EIF4G3: variants seen among roughly 807,000 people sequenced by gnomAD.
EIF4G3 encodes the protein eukaryotic translation initiation factor 4 gamma 3, also known as eIF-4-gamma 3.
EIF4G3 carries 34 observed loss-of-function variants against 186.4 expected under a neutral mutation model. The observed-to-expected ratio is 0.18, with a 90% CI of 0.14 to 0.24. The LOEUF is 0.24. Among genes scored for constraint, EIF4G3 ranks in the 10% least tolerant of loss-of-function variants. EIF4G3 has a pLI of 1.00. For missense variants in EIF4G3, 1,536 were observed against 1,948.5 expected, an observed-to-expected ratio of 0.79 and a Z score of 3.99; for synonymous variants, 673 against 679.5, an observed-to-expected ratio of 0.99 and a Z score of 0.15.
intron 3 of EIF4G3, among the ~76,000 whole-genome samples, chr1:21,054,466 TA>T (rs532277398): frequency 5.9e-4 from 71 of 120,874 alleles, no homozygotes; most frequent in South Asian, 1.0e-3. Flanking sequence ...GAATGATCAA[TA>T]AAAAAAAAAA....
intron 14 of EIF4G3, among the ~76,000 whole-genome samples, chr1:20,936,263 T>C (rs1246506403): frequency 6.6e-6 from 1 of 152,188 alleles, no homozygotes; most frequent in Non-Finnish European, 1.5e-5. Context: ...GGCAGCTTTG[T>C]TGGAAACAGT....
At chr1:20,821,871 C>CATTATTATT (rs35002410) in intron 33 of EIF4G3, among the ~76,000 whole-genome samples, 99 of 150,880 alleles carry the variant, frequency 6.6e-4, no homozygotes, top group Middle Eastern at 3.4e-3. Context: ...ATAAACCCTA[C>CATTATTATT]ATTATTATTA....
chr1:21,151,762 T>C (rs2102813793), intron 2 of EIF4G3, among the ~76,000 whole-genome samples: 1 of 151,828 alleles, frequency 6.6e-6, no homozygotes, highest in South Asian at 2.1e-4. Flanking sequence ...TCCTTGAATA[T>C]ATGTTAAAAA....
intron 10 of EIF4G3, among the ~76,000 whole-genome samples, chr1:20,975,463 C>G (rs1257028200): frequency 6.6e-6 from 1 of 151,140 alleles, no homozygotes; most frequent in Non-Finnish European, 1.5e-5. Context: ...TGGTATATCA[C>G]ATTAATCCAA....
chr1:21,063,145 C>T (rs988904501), intron 3 of EIF4G3, among the ~76,000 whole-genome samples: 4 of 152,142 alleles, frequency 2.6e-5, no homozygotes, highest in Admixed American at 1.3e-4. Flanking sequence ...CCTCCACCTC[C>T]CAAGCTCAAT....
At chr1:21,035,334 G>C (rs1279031222) in intron 4 of EIF4G3, among the ~76,000 whole-genome samples, 2 of 152,206 alleles carry the variant, frequency 1.3e-5, no homozygotes, top group African/African-American at 4.8e-5. Flanking sequence ...ACAGGCAGGA[G>C]TCCCACCCCT....
chr1:20,949,960 A>T, intron 13 of EIF4G3, 43 bp downstream of exon 13: 1 of 1,509,432 alleles, frequency 6.6e-7, no homozygotes, highest in Non-Finnish European at 9.2e-7. Flanking sequence ...ATTAATAAAA[A>T]AGAGACTAAA....
At chr1:20,827,546 G>A in intron 32 of EIF4G3, 71 bp downstream of exon 32, 2 of 952,002 alleles carry the variant, frequency 2.1e-6, no homozygotes, top group Non-Finnish European at 3.2e-6. Context: ...GCTATTCACA[G>A]ATAACCCAAG....
At chr1:20,867,826 A>G (rs923913523) in intron 20 of EIF4G3, among the ~76,000 whole-genome samples, 2 of 152,238 alleles carry the variant, frequency 1.3e-5, no homozygotes, top group African/African-American at 4.8e-5. Flanking sequence ...TTTCACATGA[A>G]TTGGGGCATA....
At chr1:21,063,932 A>G (rs1426907781) in intron 3 of EIF4G3, among the ~76,000 whole-genome samples, 1 of 145,294 alleles carries the variant, frequency 6.9e-6, no homozygotes, top group Admixed American at 7.0e-5. Context: ...CACCTTGGCC[A>G]GGCTGGTCTG....
chr1:21,156,549 C>T (rs912401446), intron 2 of EIF4G3, among the ~76,000 whole-genome samples: 4 of 152,160 alleles, frequency 2.6e-5, no homozygotes, highest in Non-Finnish European at 5.9e-5. Context: ...ATTTATCTGT[C>T]CACTATCTCA....
chr1:21,089,613 G>A (rs1219708262), intron 2 of EIF4G3, among the ~76,000 whole-genome samples: 1 of 152,068 alleles, frequency 6.6e-6, no homozygotes, highest in Non-Finnish European at 1.5e-5. Flanking sequence ...ACAAGCCTGG[G>A]CAACACAGCA....
chr1:21,137,909 A>G (rs778719506), intron 2 of EIF4G3, among the ~76,000 whole-genome samples: 12 of 152,142 alleles, frequency 7.9e-5, no homozygotes, highest in Admixed American at 4.6e-4. Flanking sequence ...TCTAAATGTA[A>G]TATTTTTAAA....
At chr1:21,144,625 T>G (rs1277078248) in intron 2 of EIF4G3, among the ~76,000 whole-genome samples, 1 of 152,150 alleles carries the variant, frequency 6.6e-6, no homozygotes, top group Non-Finnish European at 1.5e-5. Context: ...CTTGGTACAC[T>G]CTGAATAGTA....
At chr1:20,919,770 C>T (rs564335408) in intron 14 of EIF4G3, among the ~76,000 whole-genome samples, 4 of 152,078 alleles carry the variant, frequency 2.6e-5, no homozygotes, top group Non-Finnish European at 4.4e-5. Flanking sequence ...TTGAGAATCA[C>T]GAAGCAATAC....
intron 20 of EIF4G3, among the ~76,000 whole-genome samples, chr1:20,865,639 G>A (rs748267453): frequency 6.6e-5 from 10 of 151,590 alleles, no homozygotes; most frequent in Non-Finnish European, 1.3e-4. Flanking sequence ...TGGTTTAATA[G>A]AACACACAAA....
At chr1:20,969,737 A>G in intron 11 of EIF4G3, 141 bp from the exon 12 acceptor site, 1 of 722,406 alleles carries the variant, frequency 1.4e-6, no homozygotes, top group Non-Finnish European at 2.2e-6. Flanking sequence ...CTTTATTTCA[A>G]TCACAGATCC....
At chr1:20,844,222 G>A (rs184042042) in intron 29 of EIF4G3, among the ~76,000 whole-genome samples, 1 of 152,128 alleles carries the variant, frequency 6.6e-6, no homozygotes, top group African/African-American at 2.4e-5. Flanking sequence ...GGTCTCTCAG[G>A]AATCGCCACA....
intron 20 of EIF4G3, among the ~76,000 whole-genome samples, chr1:20,868,946 C>T (rs995435630): frequency 1.3e-5 from 2 of 152,166 alleles, no homozygotes; most frequent in Non-Finnish European, 2.9e-5. Context: ...TAATTTTCTT[C>T]AAGCAACAGG....
Sources: allele counts gnomAD v4.1 joint callset (sites outside exome capture counted in the v4.1 genomes callset), GRCh38; gene constraint gnomAD v4.1.1; transcripts MANE v1.5; gene names NCBI Gene and HGNC (gene_info 2026-07-23, HGNC 2026-07-21).